The following STON2 variants were observed in gnomAD, a reference collection of about 807,000 sequenced individuals.
The protein encoded by STON2 is stonin-2.
STON2 carries 29 observed loss-of-function variants against 65.7 expected under a neutral mutation model. The observed-to-expected ratio is 0.44, with a 90% CI of 0.33 to 0.60. The LOEUF (loss-of-function observed/expected upper bound fraction) is 0.60. Among genes scored for constraint, STON2 ranks in the 20% least tolerant of loss-of-function variants. The pLI is 0.03. For synonymous variants in STON2, 404 were observed against 414.2 expected (o/e 0.98, Z 0.30); for missense variants, 1,054 against 1,118.1 (o/e 0.94, Z 0.82).
intron 5 of STON2, among the ~76,000 whole-genome samples, chr14:81,287,341 G>A (rs922002871): frequency 7.2e-5 from 11 of 152,188 alleles, no homozygotes; most frequent in Non-Finnish European, 1.3e-4. Context: ...TCTCAGCATT[G>A]TCCAGGACGG....
chr14:81,399,948 C>A (rs1900520242), intron 1 of STON2, among the ~76,000 whole-genome samples: 2 of 152,198 alleles, frequency 1.3e-5, no homozygotes, highest in Admixed American at 1.3e-4. Context: ...AAGCACCACA[C>A]TAAGTGATAG....
At chr14:81,369,559 C>G (rs3853417) in intron 4 of STON2, among the ~76,000 whole-genome samples, 71,667 of 152,086 alleles carry the variant, frequency 0.47, 17,266 homozygotes, top group East Asian at 0.73. Flanking sequence ...TGTTTCAACC[C>G]TGATGGCCAC....
chr14:81,387,163 GT>G (rs958433244), intron 3 of STON2, among the ~76,000 whole-genome samples: 29 of 134,978 alleles, frequency 2.1e-4, no homozygotes, highest in African/African-American at 7.9e-4. Context: ...CCAGAAGGTT[GT>G]TTTTTTTTTT....
intron 5 of STON2, among the ~76,000 whole-genome samples, chr14:81,286,759 G>A (rs1177299872): frequency 6.6e-6 from 1 of 152,174 alleles, no homozygotes; most frequent in Non-Finnish European, 1.5e-5. Context: ...TAAGTGAAAA[G>A]AGGAACACAG....
At chr14:81,422,099 A>G (rs1204124501) in intron 2 of STON2, among the ~76,000 whole-genome samples, 3 of 152,156 alleles carry the variant, frequency 2.0e-5, no homozygotes, top group Non-Finnish European at 4.4e-5. Flanking sequence ...TATGATTTGG[A>G]CATGCTTTGT....
At chr14:81,404,600 C>T (rs1486742390), upstream of STON2, among the ~76,000 whole-genome samples, 1 of 152,158 alleles carries the variant, frequency 6.6e-6, no homozygotes, top group African/African-American at 2.4e-5. Flanking sequence ...CCTCTGCAGG[C>T]CCATGTGATC....
upstream of STON2, among the ~76,000 whole-genome samples, chr14:81,404,909 T>C (rs1900772313): frequency 1.3e-5 from 2 of 152,248 alleles, no homozygotes; most frequent in Admixed American, 6.5e-5. Context: ...AATTTTTCCT[T>C]CAGTATTTTG....
At chr14:81,331,175 A>G (rs192025330) in intron 4 of STON2, among the ~76,000 whole-genome samples, 1 of 152,348 alleles carries the variant, frequency 6.6e-6, no homozygotes, top group East Asian at 1.9e-4. Context: ...TCTTTCTAAG[A>G]TAAAAAACCA....
chr14:81,299,927 C>A (rs1895906289), intron 5 of STON2, among the ~76,000 whole-genome samples: 1 of 148,654 alleles, frequency 6.7e-6, no homozygotes, highest in African/African-American at 2.5e-5. Flanking sequence ...AATATGATTC[C>A]AATAAAAACT....
intron 2 of STON2, among the ~76,000 whole-genome samples, chr14:81,420,833 T>C (rs1901668679): frequency 6.6e-6 from 1 of 152,214 alleles, no homozygotes; most frequent in Non-Finnish European, 1.5e-5. Flanking sequence ...CACGTTAACA[T>C]GCAAAACTGT....
chr14:81,315,919 G>C (rs1267885987), intron 5 of STON2, among the ~76,000 whole-genome samples: 1 of 152,136 alleles, frequency 6.6e-6, no homozygotes, highest in South Asian at 2.1e-4. Context: ...TCACCAGAAA[G>C]GTAACAACCT....
intron 4 of STON2, among the ~76,000 whole-genome samples, chr14:81,344,898 A>G (rs1314542165): frequency 3.3e-5 from 5 of 152,210 alleles, no homozygotes; most frequent in Non-Finnish European, 4.4e-5. Context: ...TGACTTTTGA[A>G]TTGGCATGTA....
At position 81,374,104 on chromosome 14, in the gene STON2, G is replaced by A. The variant is rs774649463; in HGVS notation, c.374-2919C>T. 1.6e-4 allele frequency among the ~76,000 whole-genome samples: 20 copies of A among 125,506 alleles called. 1 individual carries two copies. Among genetic ancestry groups the A allele is most frequent in the Admixed American group, 1.4e-3 (13 of 9,600 alleles). 82.3% of individuals were successfully genotyped at this position (125,506 alleles called of 152,430 possible). On this transcript the variant is annotated intron_variant, in intron 3 of 7. Coordinates refer to ENST00000614646, the MANE Select transcript of STON2 (RefSeq NM_001394390.1). ...CAGCTCACTGCAATCTCCACCTCCCGGGCTCAAGTGATTCTCATGCTTTAG... is the reference window on the plus strand; with the variant it reads ...CAGCTCACTGCAATCTCCACCTCCCAGGCTCAAGTGATTCTCATGCTTTAG...
intron 2 of STON2, among the ~76,000 whole-genome samples, chr14:81,425,831 CG>C (rs951569555): frequency 1.3e-5 from 2 of 152,276 alleles, no homozygotes; most frequent in Admixed American, 6.5e-5. Context: ...ACAGAGAAAA[CG>C]TAAGTCTCTG....
At position 81,263,389 on chromosome 14, in the gene STON2, T is replaced by C. The variant is rs968663865; in HGVS notation, c.*5025A>G. On this transcript the variant is annotated 3_prime_UTR_variant, in exon 8 of 8. Coordinates refer to ENST00000614646, the MANE Select transcript of STON2 (RefSeq NM_001394390.1). ...CCCATCTCTACTAAAAATACAAAAA[T>C]TAGTCAGGCGTGGTGGCACATGCCT... 6.6e-6 allele frequency among the ~76,000 whole-genome samples: 1 copy of C among 151,860 alleles called. No individual in the cohort carries two copies. Among genetic ancestry groups the C allele is most frequent in the Non-Finnish European group, 1.5e-5 (1 of 67,968 alleles).
At chr14:81,275,207 G>A (rs1410714064) in intron 6 of STON2, among the ~76,000 whole-genome samples, 1 of 152,072 alleles carries the variant, frequency 6.6e-6, no homozygotes, top group Non-Finnish European at 1.5e-5. Flanking sequence ...GAAACAAATA[G>A]ATACGTTTGT....
upstream of STON2, among the ~76,000 whole-genome samples, chr14:81,403,306 T>G (rs541768367): frequency 3.3e-5 from 5 of 152,362 alleles, no homozygotes; most frequent in African/African-American, 1.2e-4. Flanking sequence ...CAAGCATTTA[T>G]GCCAAGTGGC....
At position 81,355,358 on chromosome 14, in the gene STON2, A is replaced by T. The variant is rs547561957; in HGVS notation, c.571+15630T>A. On this transcript the variant is annotated intron_variant, in intron 4 of 7. Coordinates refer to ENST00000614646, the MANE Select transcript of STON2 (RefSeq NM_001394390.1). ...AAAGACACATAATTAAATTATCAAA[A>T]ATCAAAGACAAATAAAAAATTATGA... Among the ~76,000 whole-genome samples the T allele has an allele frequency of 2.0e-5, 3 of 152,342 alleles. No homozygotes were observed. The East Asian group carries it at 5.8e-4, about 29-fold the overall frequency.
At chr14:81,281,084 C>T (rs1176602643) in intron 5 of STON2, among the ~76,000 whole-genome samples, 2 of 151,192 alleles carry the variant, frequency 1.3e-5, no homozygotes, top group South Asian at 4.2e-4. Flanking sequence ...TACATATACA[C>T]ATATCCATAC....
Sources: gnomAD v4.1 joint callset for allele counts (sites outside exome capture counted in the v4.1 genomes callset) on GRCh38, gnomAD v4.1.1 for gene constraint, MANE v1.5 for transcripts, NCBI Gene and HGNC (gene_info 2026-07-23, HGNC 2026-07-21) for gene names.